KCNK6: variants seen among roughly 807,000 people sequenced by gnomAD.
KCNK6 encodes potassium two pore domain channel subfamily K member 6.
A neutral mutation model predicts 21.9 loss-of-function variants in KCNK6; 20 were observed. That is an observed-to-expected ratio of 0.91 (90% confidence interval 0.64 to 1.32). The LOEUF (loss-of-function observed/expected upper bound fraction) is 1.32, where lower values mean the gene tolerates loss of function less well. Among genes scored for constraint, KCNK6 ranks in the 40% most tolerant of loss-of-function variants. KCNK6 has a pLI of 0.00. For missense variants in KCNK6, 415 were observed against 433.1 expected (o/e 0.96, Z 0.37); for synonymous variants, 210 against 218.0 (o/e 0.96, Z 0.32).
chr19:38,323,600 G>A (rs957447269), intron 1 of KCNK6, among the ~76,000 whole-genome samples: 2 of 152,156 alleles, frequency 1.3e-5, no homozygotes, highest in Non-Finnish European at 2.9e-5. Flanking sequence ...ATTTGAGGAA[G>A]GGATTGTTTT....
intron 1 of KCNK6, among the ~76,000 whole-genome samples, chr19:38,323,602 G>T (rs1463158972): frequency 6.6e-6 from 1 of 152,192 alleles, no homozygotes; most frequent in African/African-American, 2.4e-5. Context: ...TTGAGGAAGG[G>T]ATTGTTTTTT....
Position 38,327,928 on chromosome 19 carries a change from C to T in KCNK6, c.*525C>T. The T allele has an allele frequency of 5.6e-6, 1 of 179,362 alleles. No individual in the cohort carries two copies. Among genetic ancestry groups the T allele is most frequent in the Admixed American group, 5.6e-5 (1 of 17,946 alleles). 11.1% of individuals were successfully genotyped at this position (179,362 alleles called of 1,614,324 possible). On this transcript the variant is annotated 3_prime_UTR_variant, in exon 3 of 3. Transcript: ENST00000263372. ...CCTAAACCCCTCCTGTGTGCTGGCC[C>T]TGTGCTAGACAGTGCTGGAGACATA...
At chr19:38,320,485 GAAACACC>G (rs1233284765) in intron 1 of KCNK6, among the ~76,000 whole-genome samples, 4 of 151,930 alleles carry the variant, frequency 2.6e-5, no homozygotes, top group Non-Finnish European at 5.9e-5. Context: ...TCCTAAGTAG[GAAACACC>G]CAGCTCCCCT....
In KCNK6 at chr19:38,327,686, C is replaced by T. The variant is rs1238466910; in HGVS notation, c.*283C>T. ...CTCTGGCTCTCTGGCATTCTCGCTG[C>T]CTCTGTCTTTCCCTCTTGCTGTCTC... On this transcript the variant is annotated 3_prime_UTR_variant, in exon 3 of 3. Coordinates refer to ENST00000263372, the MANE Select transcript of KCNK6 (RefSeq NM_004823.3). 6.2e-6 allele frequency: 3 copies of T among 487,202 alleles called. No homozygotes were observed. The highest frequency in any genetic ancestry group is 7.5e-6 in the Non-Finnish European group (2 of 268,218). 30.2% of individuals were successfully genotyped at this position (487,202 alleles called of 1,614,324 possible).
At chr19:38,325,623 A>G (rs1465602269) in intron 1 of KCNK6, 1 of 829,786 alleles carries the variant, frequency 1.2e-6, no homozygotes, top group East Asian at 1.2e-4. Context: ...TATGGGAAAA[A>G]AAAGTGTTGG....
chr19:38,320,543 G>T (rs1372366024), intron 1 of KCNK6, among the ~76,000 whole-genome samples: 1 of 148,868 alleles, frequency 6.7e-6, no homozygotes, highest in Non-Finnish European at 1.5e-5. Context: ...CCCGTTCCTC[G>T]GTCTTTTTTT....
chr19:38,326,568 C>T (rs369272855), intron 1 of KCNK6, 25 bp from the exon 2 acceptor site: 1 of 1,573,922 alleles, frequency 6.4e-7, no homozygotes, highest in African/African-American at 1.4e-5. Flanking sequence ...AAAAGATTTA[C>T]CCTTTACTCT....
chr19:38,320,653 G>A (rs1969641346), intron 1 of KCNK6, among the ~76,000 whole-genome samples: 1 of 151,976 alleles, frequency 6.6e-6, no homozygotes, highest in South Asian at 2.1e-4. Flanking sequence ...CCGCCTCCCG[G>A]TTTCAAGCTA....
chr19:38,320,104 C>G lies in KCNK6; in HGVS notation c.154C>G (p.Pro52Ala), dbSNP rs142888784. 0.021 allele frequency: 33,640 copies of G among 1,566,752 alleles called. 500 individuals are homozygous for G. Among genetic ancestry groups the G allele is most frequent in the Non-Finnish European group, 0.026 (30,051 of 1,164,192 alleles). ...TLRAQLLQRS[P>A]CVAAPALDAF... is the part of the protein sequence containing the mutation. ...GCGGGCGCAGCTGCTTCAGCGCAGC[C>G]CGTGTGTGGCTGCCCCCGCCCTGGA... is the stretch of plus-strand genomic sequence containing the variant. The change falls in exon 1 of 3, where the codon CCG (proline) becomes GCG (alanine). Residue 52 changes from proline (P) to alanine (A), a missense_variant. Physicochemically the swap from Pro to Ala is conservative, Grantham distance 27. Coordinates refer to ENST00000263372, the MANE Select transcript of KCNK6 (RefSeq NM_004823.3).
In KCNK6 at chr19:38,321,760, T is replaced by TCTGCC. The variant is rs549244684; in HGVS notation, c.322+1490_322+1494dup. Among the ~76,000 whole-genome samples, 468 of 152,358 alleles carry TCTGCC rather than the reference T, an allele frequency of 3.1e-3. 1 individual carries two copies. The highest frequency in any genetic ancestry group is 6.3e-3 in the Admixed American group (97 of 15,300). On this transcript the variant is annotated intron_variant, in intron 1 of 2. Coordinates refer to ENST00000263372, the MANE Select transcript of KCNK6 (RefSeq NM_004823.3). Reference sequence around the variant, plus strand: ...TTCTCGTTAGCTGACCTCCCCTGGGTCTGCCCATGCTGCCAGGGCGGCCTG... The same window carrying TCTGCC: ...TTCTCGTTAGCTGACCTCCCCTGGGTCTGCCCTGCCCATGCTGCCAGGGCGGCCTG...
Position 38,327,596 on chromosome 19 carries a change from G to T in KCNK6, c.*193G>T, listed in dbSNP as rs1306611712. On this transcript the variant is annotated 3_prime_UTR_variant, in exon 3 of 3. Coordinates refer to ENST00000263372, the MANE Select transcript of KCNK6 (RefSeq NM_004823.3). ...AGCACTCCCTGTCCCCATGTCCCGG[G>T]CTCCACTGGGCACCAACATAACCTT... 8.3e-6 allele frequency: 5 copies of T among 602,754 alleles called. No homozygotes were observed. The African/African-American group carries it at 9.3e-5, about 11-fold the overall frequency. 37.3% of individuals were successfully genotyped at this position (602,754 alleles called of 1,614,324 possible). A position where few individuals can be genotyped will look rare whatever the true frequency, so the allele number is the denominator to read the frequency against.
rs752247310 is a variant in KCNK6, at chr19:38,326,634, T to C, written c.364T>C (p.Phe122Leu). 6.2e-7 allele frequency: 1 copy of C among 1,611,276 alleles called. No homozygotes were observed. The highest frequency in any genetic ancestry group is 8.5e-7 in the Non-Finnish European group (1 of 1,179,900). ...GCCACTGACTGATGCGGGCAAGGCC[T>C]TCTCCATCGCCTTTGCGCTCCTGGG... Reference protein sequence around the residue: ...TTPLTDAGKAFSIAFALLGVP... With the variant: ...TTPLTDAGKALSIAFALLGVP... Residue 122 changes from phenylalanine (F) to leucine (L), a missense_variant, in exon 2 of 3, where the codon TTC becomes CTC. Coordinates refer to ENST00000263372, the MANE Select transcript of KCNK6 (RefSeq NM_004823.3).
At position 38,328,490 on chromosome 19, in the gene KCNK6, A is replaced by G. The variant is rs772309089; in HGVS notation, c.*1087A>G. The G allele has an allele frequency of 6.6e-6, 1 of 152,122 alleles. No individual in the cohort carries two copies. Among genetic ancestry groups the G allele is most frequent in the Non-Finnish European group, 1.5e-5 (1 of 68,086 alleles). The allele number at this position is 152,122 out of a possible 1,614,324, so 9.4% of individuals were successfully genotyped here. A position where few individuals can be genotyped will look rare whatever the true frequency, so the allele number is the denominator to read the frequency against. On this transcript the variant is annotated 3_prime_UTR_variant, in exon 3 of 3. Transcript: ENST00000263372. ...GCCTGTGTCCTTGGGCAGTCACACT[A>G]CCTCTCTGATTTTGTTTCCTTATCT... is the stretch of plus-strand genomic sequence containing the variant.
chr19:38,322,157 C>T (rs1969658499), intron 1 of KCNK6, among the ~76,000 whole-genome samples: 1 of 152,146 alleles, frequency 6.6e-6, no homozygotes, highest in Non-Finnish European at 1.5e-5. Flanking sequence ...GGTCACACAG[C>T]AAAGACGGCA....
rs1295337792 is a variant in KCNK6, at chr19:38,330,375, A to C, written c.*2972A>C. 1.3e-5 allele frequency: 2 copies of C among 151,538 alleles called. No homozygotes were observed. Among genetic ancestry groups the C allele is most frequent in the Non-Finnish European group, 2.9e-5 (2 of 67,938 alleles). 9.4% of individuals were successfully genotyped at this position (151,538 alleles called of 1,614,324 possible). ...GCTGGGCATAGTGGCTCTCACCTAT[A>C]ATCCTAGCAAATCGTAGTACTTTGG... On this transcript the variant is annotated 3_prime_UTR_variant, in exon 3 of 3. Transcript: ENST00000263372.
Position 38,331,616 on chromosome 19 carries a change from C to T in KCNK6, c.*4213C>T, listed in dbSNP as rs1214660116. On this transcript the variant is annotated 3_prime_UTR_variant, in exon 3 of 3. Transcript: ENST00000263372. ...CTCCAGCCTGGGAGACAGAGCGAGA[C>T]TCCGTCTCAGAAAAAAAAAAAAAAG... 1.3e-5 allele frequency: 2 copies of T among 148,920 alleles called. No individual in the cohort carries two copies. Among genetic ancestry groups the T allele is most frequent in the Non-Finnish European group, 3.0e-5 (2 of 67,378 alleles). 9.2% of individuals were successfully genotyped at this position (148,920 alleles called of 1,614,324 possible).
chr19:38,327,050 A>T (rs1969718553), intron 2 of KCNK6, 62 bp downstream of exon 2: 2 of 1,562,796 alleles, frequency 1.3e-6, no homozygotes, highest in Admixed American at 3.5e-5. Context: ...GGGGGAGTTA[A>T]AGGCTCACAG....
chr19:38,326,930 C>T lies in KCNK6; in HGVS notation c.660C>T (p.Tyr220=), dbSNP rs763297390. Reference sequence around the variant, plus strand: ...TGTCCACCATCGGCCTGGGCGACTACGTGCCCGGGGAGGCCCCTGGCCAGC... The same window carrying T: ...TGTCCACCATCGGCCTGGGCGACTATGTGCCCGGGGAGGCCCCTGGCCAGC... ...ISLSTIGLGD[Y]VPGEAPGQPY... The change falls in exon 2 of 3, where the codon TAC becomes TAT. Residue 220 remains tyrosine, a synonymous_variant. Coordinates refer to ENST00000263372, the MANE Select transcript of KCNK6 (RefSeq NM_004823.3). The T allele has an allele frequency of 1.3e-5, 21 of 1,609,576 alleles. No homozygotes were observed. The highest frequency in any genetic ancestry group is 5.0e-5 in the Admixed American group (3 of 60,000).
Position 38,330,628 on chromosome 19 carries a change from C to CAAAAAAAAAAAAAAAAAAAAAAAAA in KCNK6, c.*3238_*3239insAAAAAAAAAAAAAAAAAAAAAAAAA, listed in dbSNP as rs57498193. 1 of 105,102 alleles carries CAAAAAAAAAAAAAAAAAAAAAAAAA rather than the reference C, an allele frequency of 9.5e-6. No homozygotes were observed. Among genetic ancestry groups the CAAAAAAAAAAAAAAAAAAAAAAAAA allele is most frequent in the Non-Finnish European group, 2.0e-5 (1 of 48,838 alleles). 6.5% of individuals were successfully genotyped at this position (105,102 alleles called of 1,614,324 possible). A position where few individuals can be genotyped will look rare whatever the true frequency, so the allele number is the denominator to read the frequency against. ...TGGGTGACAGAGCAAGACCCTGTCT[C>CAAAAAAAAAAAAAAAAAAAAAAAAA]AAAAAAAAAAAAAGAAAAGAAAAAG... On this transcript the variant is annotated 3_prime_UTR_variant, in exon 3 of 3. Transcript: ENST00000263372.
Sources: gnomAD v4.1 joint callset for allele counts (sites outside exome capture counted in the v4.1 genomes callset) on GRCh38, gnomAD v4.1.1 for gene constraint, MANE v1.5 for transcripts, NCBI Gene and HGNC (gene_info 2026-07-23, HGNC 2026-07-21) for gene names.